Variants in ANKRD18B observed in about 807,000 individuals in gnomAD.
ANKRD18B encodes ankyrin repeat domain-containing protein 18B.
In ANKRD18B, 75 loss-of-function variants were observed where a neutral mutation model predicts 111.8. The observed-to-expected ratio is 0.67, with a 90% confidence interval of 0.56 to 0.81. ANKRD18B has a LOEUF of 0.81. ANKRD18B is among the 40% of genes least tolerant of loss of function. The probability of loss-of-function intolerance (pLI) is 0.00; values close to 1 mark genes in which losing one functional copy is unlikely to be tolerated. For missense variants in ANKRD18B, 1,038 were observed against 1,225.5 expected, an observed-to-expected ratio of 0.85 and a Z score of 2.28; for synonymous variants, 356 against 417.3, an observed-to-expected ratio of 0.85 and a Z score of 1.79.
At chr9:33,553,610 G>T (rs1310516444) in intron 12 of ANKRD18B, among the ~76,000 whole-genome samples, 1 of 152,188 alleles carries the variant, frequency 6.6e-6, no homozygotes, top group Admixed American at 6.5e-5. Context: ...CGATCAGGAA[G>T]AAGGGAGATC....
chr9:33,553,783 T>C (rs930333822), intron 12 of ANKRD18B, among the ~76,000 whole-genome samples: 5 of 152,090 alleles, frequency 3.3e-5, no homozygotes, highest in African/African-American at 1.2e-4. Flanking sequence ...GTTTTCATTA[T>C]AAAAGAAAAA....
At chr9:33,545,431 T>A (rs1426613778) in intron 10 of ANKRD18B, among the ~76,000 whole-genome samples, 2 of 152,168 alleles carry the variant, frequency 1.3e-5, no homozygotes, top group Non-Finnish European at 2.9e-5. Flanking sequence ...CTCCAAAGAA[T>A]GGAAGCATGT....
chr9:33,557,840 C>T (rs1201025781), intron 13 of ANKRD18B, among the ~76,000 whole-genome samples: 2 of 151,896 alleles, frequency 1.3e-5, no homozygotes, highest in Non-Finnish European at 1.5e-5. Context: ...GCTATTATCA[C>T]TTTACCTGCT....
chr9:33,548,859 A>T lies in ANKRD18B; in HGVS notation c.2067+4A>T. On this transcript the variant is annotated splice_donor_region_variant and intron_variant, in intron 11 of 18. Coordinates refer to ENST00000684830, the MANE Select transcript of ANKRD18B (RefSeq NM_001393611.1). ...AAAAGAAAAAGCAGAAAGAGAAGTA[A>T]GTATGAAGAAAACTATAACCTTCTG... 1 of 1,473,658 alleles carries T rather than the reference A, an allele frequency of 6.8e-7. No homozygotes were observed. 91.3% of individuals were successfully genotyped at this position (1,473,658 alleles called of 1,614,324 possible).
chr9:33,574,065 AG>A (rs1465734754), downstream of ANKRD18B, among the ~76,000 whole-genome samples: 7 of 141,898 alleles, frequency 4.9e-5, 1 homozygote, highest in Non-Finnish European at 9.5e-5. Context: ...GCCTGGTCAG[AG>A]GGGGCTCAGT....
Position 33,568,846 on chromosome 9 carries a change from A to G in ANKRD18B, c.3130A>G (p.Thr1044Ala). 6.4e-7 allele frequency: 1 copy of G among 1,551,450 alleles called. No homozygotes were observed. Among genetic ancestry groups the G allele is most frequent in the Non-Finnish European group, 8.7e-7 (1 of 1,146,776 alleles). The change falls in exon 17 of 19, where the codon ACT (threonine) becomes GCT (alanine). Residue 1044 changes from threonine to alanine, a missense_variant. Physicochemically the swap from Thr to Ala is moderately conservative, Grantham distance 58 (BLOSUM62 0). This residue lies in a region of ANKRD18B where 524 missense variants were observed against 677.9 expected (regional missense o/e 0.77). Transcript: ENST00000684830. ...YIPKMAIRIP[T>A]SNPQTSNNCK... ...TCCCAAAATGGCCATAAGAATTCCT[A>G]CTTCAAACCCACAGACTTCAAATAA... is the stretch of plus-strand genomic sequence containing the variant.
intron 1 of ANKRD18B, among the ~76,000 whole-genome samples, chr9:33,525,063 T>G (rs879929765): frequency 6.6e-6 from 1 of 152,206 alleles, no homozygotes; most frequent in South Asian, 2.1e-4. Context: ...GGTTCTTTAC[T>G]GGGGCTTCTT....
At chr9:33,541,519 G>T (rs759316871) in intron 9 of ANKRD18B, among the ~76,000 whole-genome samples, 19 of 152,148 alleles carry the variant, frequency 1.2e-4, no homozygotes, top group Non-Finnish European at 2.2e-4. Flanking sequence ...GGGCAACATC[G>T]CCAGACCTCG....
intron 14 of ANKRD18B, among the ~76,000 whole-genome samples, chr9:33,564,673 A>T (rs1828658996): frequency 6.6e-6 from 1 of 152,156 alleles, no homozygotes; most frequent in Non-Finnish European, 1.5e-5. Context: ...AGCATGTAAG[A>T]GTTTACTGTT....
At chr9:33,566,838 A>T in intron 15 of ANKRD18B, 1 of 420,032 alleles carries the variant, frequency 2.4e-6, no homozygotes, top group Non-Finnish European at 4.2e-6. Flanking sequence ...TTCACTTTTT[A>T]AAATTATAAA....
At chr9:33,531,334 C>G (rs1452613142) in intron 3 of ANKRD18B, among the ~76,000 whole-genome samples, 1 of 152,090 alleles carries the variant, frequency 6.6e-6, no homozygotes, top group Non-Finnish European at 1.5e-5. Flanking sequence ...GTTCCACATG[C>G]AAATACTTGG....
Position 33,543,171 on chromosome 9 carries a change from G to T in ANKRD18B, c.1079-14G>T. 1.3e-6 allele frequency: 2 copies of T among 1,545,266 alleles called. No homozygotes were observed. The highest frequency in any genetic ancestry group is 1.7e-6 in the Non-Finnish European group (2 of 1,142,946). ...AGTCATTCATTTTAACTAAACATAT[G>T]GATTTGTCAGCAGAACACAACTTAA... On this transcript the variant is annotated splice_polypyrimidine_tract_variant and intron_variant, in intron 9 of 18. Coordinates refer to ENST00000684830, the MANE Select transcript of ANKRD18B (RefSeq NM_001393611.1).
Position 33,568,883 on chromosome 9 carries a change from C to G in ANKRD18B, c.3167C>G (p.Ser1056Cys). 6.5e-7 allele frequency: 1 copy of G among 1,548,178 alleles called. No individual in the cohort carries two copies. The highest frequency in any genetic ancestry group is 8.7e-7 in the Non-Finnish European group (1 of 1,145,588). ...CAGACTTCAAATAACTGCAAGAACT[C>G]CTTGACTGAGGTTAGTTATATGACC... ...NPQTSNNCKN[S>C]LTEMELDCAE... Residue 1056 changes from serine (S) to cysteine (C), a missense_variant, in exon 17 of 19, where the codon TCC becomes TGC. By Grantham distance (112) the Ser-to-Cys change is moderately radical. Coordinates refer to ENST00000684830, the MANE Select transcript of ANKRD18B (RefSeq NM_001393611.1).
At chr9:33,535,497 C>T (rs1282626611) in intron 5 of ANKRD18B, among the ~76,000 whole-genome samples, 1 of 151,738 alleles carries the variant, frequency 6.6e-6, no homozygotes, top group Non-Finnish European at 1.5e-5. Flanking sequence ...CCATGTTAGC[C>T]AGGATGGTCT....
At chr9:33,547,045 G>A (rs1402803226) in intron 10 of ANKRD18B, among the ~76,000 whole-genome samples, 2 of 152,144 alleles carry the variant, frequency 1.3e-5, no homozygotes, top group Admixed American at 6.6e-5. Flanking sequence ...AGGCAGTGGG[G>A]AAAAGAATAT....
intron 14 of ANKRD18B, among the ~76,000 whole-genome samples, chr9:33,563,139 A>G (rs1828631659): frequency 6.6e-6 from 1 of 152,210 alleles, no homozygotes; most frequent in Non-Finnish European, 1.5e-5. Flanking sequence ...TCATCAATAA[A>G]TTAATCTCAA....
chr9:33,570,150 C>T (rs1039791021), intron 17 of ANKRD18B, among the ~76,000 whole-genome samples: 19 of 152,130 alleles, frequency 1.2e-4, no homozygotes, highest in Non-Finnish European at 2.2e-4. Context: ...TCCTTTGCAG[C>T]AACATGGATA....
At chr9:33,533,127 T>G (rs1472605058) in intron 3 of ANKRD18B, among the ~76,000 whole-genome samples, 1 of 152,170 alleles carries the variant, frequency 6.6e-6, no homozygotes, top group Admixed American at 6.5e-5. Flanking sequence ...CTTGAGAATC[T>G]CTTGGTTTCA....
At chr9:33,537,049 C>G (rs1828212524) in intron 6 of ANKRD18B, 104 bp downstream of exon 6, 2 of 833,512 alleles carry the variant, frequency 2.4e-6, no homozygotes, top group East Asian at 8.1e-5. Context: ...GTAATCCCAG[C>G]ACTTTGGGAG....
Sources: gnomAD v4.1 joint callset for allele counts (sites outside exome capture counted in the v4.1 genomes callset) on GRCh38, gnomAD v4.1.1 for gene constraint, gnomAD v4.1.1 regional missense constraint, MANE v1.5 for transcripts, NCBI Gene and HGNC (gene_info 2026-07-23, HGNC 2026-07-21) for gene names.